MGAT5: variants seen among roughly 807,000 people sequenced by gnomAD.
The protein encoded by MGAT5 is alpha-1,6-mannosylglycoprotein 6-beta-N-acetylglucosaminyltransferase A.
In MGAT5, 30 loss-of-function variants were observed where a neutral mutation model predicts 94.3. That is an observed-to-expected ratio of 0.32 (90% confidence interval 0.24 to 0.43). The LOEUF (loss-of-function observed/expected upper bound fraction) is 0.43. Among genes scored for constraint, MGAT5 ranks in the 20% least tolerant of loss-of-function variants. MGAT5 has a pLI of 1.00. For missense variants in MGAT5, 691 were observed against 905.5 expected (o/e 0.76, Z 3.04); for synonymous variants, 310 against 322.9 (o/e 0.96, Z 0.43).
At chr2:134,290,476 C>G (rs1329049654) in intron 2 of MGAT5, among the ~76,000 whole-genome samples, 7 of 152,218 alleles carry the variant, frequency 4.6e-5, no homozygotes, top group Non-Finnish European at 5.9e-5. Flanking sequence ...TTTCCACATG[C>G]AAACTTGAGG....
intron 1 of MGAT5, among the ~76,000 whole-genome samples, chr2:134,201,541 C>T (rs557952197): frequency 1.7e-4 from 26 of 152,242 alleles, no homozygotes; most frequent in Non-Finnish European, 3.1e-4. Flanking sequence ...AAGTCAGCAT[C>T]TTCCACAGCA....
At chr2:134,363,142 T>C (rs888789840) in intron 10 of MGAT5, among the ~76,000 whole-genome samples, 24 of 152,160 alleles carry the variant, frequency 1.6e-4, no homozygotes, top group African/African-American at 5.6e-4. Flanking sequence ...TTTGAGGAAA[T>C]GTTTTTAGAA....
At chr2:134,165,907 T>A (rs746772521) in intron 1 of MGAT5, among the ~76,000 whole-genome samples, 4 of 152,178 alleles carry the variant, frequency 2.6e-5, no homozygotes, top group Non-Finnish European at 4.4e-5. Context: ...TGCAAGATAG[T>A]TAGCTTTCTG....
intron 7 of MGAT5, among the ~76,000 whole-genome samples, chr2:134,343,310 A>G (rs1688738526): frequency 3.3e-5 from 5 of 152,182 alleles, no homozygotes; most frequent in East Asian, 1.9e-4. Context: ...AATTTTTTTC[A>G]TCAACATTAT....
intron 2 of MGAT5, among the ~76,000 whole-genome samples, chr2:134,283,871 A>G (rs2105735386): frequency 6.6e-6 from 1 of 151,872 alleles, no homozygotes; most frequent in East Asian, 1.9e-4. Context: ...TCGCTGCACT[A>G]GGCTCTCTGA....
rs114653919 is a variant in MGAT5 at position 134,301,905 on chromosome 2, T to C, written c.407-15624T>C. ...CCTGCACAAGCTGGGACCCTTTGTCTCAAAATGAAAGAGACCTGGGGGATG... is the reference window on the plus strand; with the variant it reads ...CCTGCACAAGCTGGGACCCTTTGTCCCAAAATGAAAGAGACCTGGGGGATG... On this transcript the variant is annotated intron_variant, in intron 2 of 15. Transcript: ENST00000281923. Among the ~76,000 whole-genome samples, 813 of 152,250 alleles carry C rather than the reference T, an allele frequency of 5.3e-3. 9 individuals are homozygous for C. The highest frequency in any genetic ancestry group is 0.019 in the African/African-American group (771 of 41,552).
intron 1 of MGAT5, among the ~76,000 whole-genome samples, chr2:134,209,113 G>A (rs1680164898): frequency 6.7e-6 from 1 of 148,510 alleles, no homozygotes. Flanking sequence ...AGGTGGATGG[G>A]CAGAGGGATT....
Position 134,442,040 on chromosome 2 carries a change from G to A in MGAT5, c.2027+125G>A, listed in dbSNP as rs112406824. 3.7e-3 allele frequency: 4,145 copies of A among 1,110,626 alleles called. 118 individuals carry two copies. In the African/African-American group the frequency reaches 0.056, roughly 15 times the overall value. The allele number at this position is 1,110,626 out of a possible 1,614,324, so 68.8% of individuals were successfully genotyped here. A position where few individuals can be genotyped will look rare whatever the true frequency, so the allele number is the denominator to read the frequency against. On this transcript the variant is annotated intron_variant, in intron 15 of 15. Transcript: ENST00000281923. Reference sequence around the variant, plus strand: ...TGGGCTGTGGGGATAAGGTGTGGGAGGGGAGTAGGTTGCAGCAGGATCCCC... The same window carrying A: ...TGGGCTGTGGGGATAAGGTGTGGGAAGGGAGTAGGTTGCAGCAGGATCCCC...
At chr2:134,215,374 T>G (rs1680435864) in intron 1 of MGAT5, among the ~76,000 whole-genome samples, 1 of 152,206 alleles carries the variant, frequency 6.6e-6, no homozygotes, top group Admixed American at 6.5e-5. Flanking sequence ...TTGTTTGTTT[T>G]TTTAGCTCAC....
upstream of MGAT5, among the ~76,000 whole-genome samples, chr2:134,249,598 G>T (rs996022506): frequency 6.6e-6 from 1 of 152,192 alleles, no homozygotes; most frequent in Non-Finnish European, 1.5e-5. Context: ...TTTATAGCCA[G>T]ATAATATTTA....
At chr2:134,218,985 A>G (rs889598907) in intron 1 of MGAT5, among the ~76,000 whole-genome samples, 1 of 152,222 alleles carries the variant, frequency 6.6e-6, no homozygotes, top group Non-Finnish European at 1.5e-5. Context: ...TGGGAAAGCC[A>G]CAGAGATGAG....
chr2:134,173,340 T>A (rs1688311645), intron 1 of MGAT5, among the ~76,000 whole-genome samples: 1 of 152,142 alleles, frequency 6.6e-6, no homozygotes, highest in African/African-American at 2.4e-5. Context: ...TCTTCAAGGG[T>A]TGCCAGGTGG....
At chr2:134,318,323 A>C (rs2105901705) in intron 3 of MGAT5, among the ~76,000 whole-genome samples, 1 of 147,926 alleles carries the variant, frequency 6.8e-6, no homozygotes, top group South Asian at 2.1e-4. Flanking sequence ...TGTAGATATC[A>C]GAGTCCCATT....
intron 1 of MGAT5, among the ~76,000 whole-genome samples, chr2:134,235,423 C>G (rs1296495550): frequency 6.6e-6 from 1 of 152,074 alleles, no homozygotes; most frequent in Non-Finnish European, 1.5e-5. Flanking sequence ...CCAACATGAT[C>G]GTGATACCCA....
At chr2:134,129,418 A>G (rs897711270) in intron 1 of MGAT5, among the ~76,000 whole-genome samples, 4 of 152,232 alleles carry the variant, frequency 2.6e-5, no homozygotes, top group African/African-American at 9.6e-5. Flanking sequence ...GTAAGGCAAC[A>G]TAAGCACAGG....
intron 9 of MGAT5, among the ~76,000 whole-genome samples, chr2:134,356,888 T>A (rs1423282228): frequency 1.3e-5 from 2 of 152,104 alleles, no homozygotes; most frequent in African/African-American, 4.8e-5. Flanking sequence ...GACTGTGACC[T>A]CCTCTTTTAA....
intron 1 of MGAT5, among the ~76,000 whole-genome samples, chr2:134,261,564 G>A (rs553894313): frequency 2.0e-4 from 31 of 152,214 alleles, no homozygotes; most frequent in African/African-American, 6.7e-4. Flanking sequence ...ACAGCCATGC[G>A]CATTCCATTC....
intron 9 of MGAT5, among the ~76,000 whole-genome samples, chr2:134,360,468 G>C (rs1273581592): frequency 6.6e-6 from 1 of 151,988 alleles, no homozygotes; most frequent in Non-Finnish European, 1.5e-5. Flanking sequence ...TGCCTACCTA[G>C]GGACTAAATA....
chr2:134,156,080 A>G (rs992257867), intron 1 of MGAT5, among the ~76,000 whole-genome samples: 1 of 152,186 alleles, frequency 6.6e-6, no homozygotes, highest in African/African-American at 2.4e-5. Flanking sequence ...TAGGACGTCC[A>G]GCAGCACACA....
Sources: gnomAD v4.1 joint callset for allele counts (sites outside exome capture counted in the v4.1 genomes callset) on GRCh38, gnomAD v4.1.1 for gene constraint, MANE v1.5 for transcripts, NCBI Gene and HGNC (gene_info 2026-07-23, HGNC 2026-07-21) for gene names.